Variants in IL1RAP observed in about 807,000 individuals in gnomAD.
IL1RAP encodes the protein interleukin-1 receptor accessory protein.
IL1RAP carries 35 observed loss-of-function variants against 60.7 expected under a neutral mutation model. That is an observed-to-expected ratio of 0.58 (90% CI 0.44 to 0.76). IL1RAP has a LOEUF of 0.76. Ranked by LOEUF, IL1RAP falls within the 30% of genes least tolerant of loss-of-function variation. The pLI is 0.00. For missense variants in IL1RAP, 572 were observed against 693.9 expected (o/e 0.82, Z 1.97); for synonymous variants, 268 against 250.9 (o/e 1.07, Z -0.64).
At chr3:190,579,263 T>C (rs2108674127) in intron 3 of IL1RAP, among the ~76,000 whole-genome samples, 1 of 152,334 alleles carries the variant, frequency 6.6e-6, no homozygotes, top group Non-Finnish European at 1.5e-5. Flanking sequence ...AATAAACATA[T>C]GTTGTATTGG....
At chr3:190,659,295 C>G (rs899952975) in exon 12 of IL1RAP, 1 of 152,070 alleles carries the variant, frequency 6.6e-6, no homozygotes, top group Non-Finnish European at 1.5e-5. Flanking sequence ...AATTTTGGTG[C>G]TCTCAAAACT....
chr3:190,582,914 A>G (rs902516743), intron 3 of IL1RAP, among the ~76,000 whole-genome samples: 1 of 152,118 alleles, frequency 6.6e-6, no homozygotes, highest in Non-Finnish European at 1.5e-5. Context: ...ATTCTTCAGG[A>G]ACTTCACATG....
At chr3:190,643,872 C>A (rs866981605) in intron 9 of IL1RAP, among the ~76,000 whole-genome samples, 5 of 152,280 alleles carry the variant, frequency 3.3e-5, no homozygotes, top group Middle Eastern at 3.4e-3. Flanking sequence ...ATGAGAACTC[C>A]ATCCCAAGAT....
At chr3:190,629,306 T>A (rs1305758012) in intron 8 of IL1RAP, 44 bp from the exon 9 acceptor site, 2 of 1,415,794 alleles carry the variant, frequency 1.4e-6, no homozygotes, top group East Asian at 4.6e-5. Context: ...CCATAGCTCT[T>A]GAGTCACTCT....
In IL1RAP at chr3:190,629,547, T is replaced by C. The variant is rs757378653; in HGVS notation, c.1051+49T>C. On this transcript the variant is annotated intron_variant, in intron 9 of 11. Transcript: ENST00000447382. ...ATCTCTCAGCTCCAAATTAACATTG[T>C]GGTGAATAAGGACAAAAGGAGAGAT... 23 of 1,565,378 alleles carry C rather than the reference T, an allele frequency of 1.5e-5. No individual in the cohort carries two copies. The East Asian group carries it at 5.2e-4, about 35-fold the overall frequency.
intron 2 of IL1RAP, chr3:190,563,647 G>A (rs1457081829): frequency 6.6e-6 from 1 of 152,212 alleles, no homozygotes; most frequent in Non-Finnish European, 1.5e-5. Flanking sequence ...GAGAAGAGGA[G>A]AGCACGAACA....
chr3:190,645,011 C>A (rs1733915707), intron 10 of IL1RAP, among the ~76,000 whole-genome samples: 1 of 152,130 alleles, frequency 6.6e-6, no homozygotes, highest in Non-Finnish European at 1.5e-5. Flanking sequence ...AGACCTAGCC[C>A]CTACTGACTC....
intron 5 of IL1RAP, 57 bp downstream of exon 5, chr3:190,609,238 T>C: frequency 8.3e-7 from 1 of 1,198,810 alleles, no homozygotes; most frequent in South Asian, 1.5e-5. Context: ...ATGATAATGC[T>C]TATTTGCTGA....
chr3:190,561,299 C>T (rs1335180215), intron 2 of IL1RAP, among the ~76,000 whole-genome samples: 2 of 152,198 alleles, frequency 1.3e-5, no homozygotes, highest in Admixed American at 6.5e-5. Flanking sequence ...GGTTTCAGAT[C>T]AGCCAGGCGC....
intron 3 of IL1RAP, among the ~76,000 whole-genome samples, chr3:190,580,341 A>G (rs1175290096): frequency 2.6e-5 from 4 of 152,196 alleles, no homozygotes; most frequent in Admixed American, 6.5e-5. Flanking sequence ...ACTCCAATGA[A>G]TATCTACCAA....
intron 9 of IL1RAP, 108 bp downstream of exon 9, chr3:190,629,606 G>T (rs1195093672): frequency 2.8e-6 from 4 of 1,441,908 alleles, no homozygotes; most frequent in South Asian, 3.2e-5. Flanking sequence ...CTAGCCCGAC[G>T]GCATCTAACC....
intron 1 of IL1RAP, among the ~76,000 whole-genome samples, chr3:190,554,987 C>T (rs1000142458): frequency 3.9e-5 from 6 of 152,166 alleles, no homozygotes; most frequent in Non-Finnish European, 5.9e-5. Flanking sequence ...TCTGTCCTTT[C>T]TAACAGCTTG....
intron 3 of IL1RAP, among the ~76,000 whole-genome samples, chr3:190,603,476 G>A (rs1387699942): frequency 6.6e-6 from 1 of 152,148 alleles, no homozygotes; most frequent in Non-Finnish European, 1.5e-5. Context: ...GTAGACATAT[G>A]TGGCTAGTCC....
intron 1 of IL1RAP, among the ~76,000 whole-genome samples, chr3:190,542,354 G>A (rs1436661871): frequency 6.6e-6 from 1 of 152,132 alleles, no homozygotes; most frequent in African/African-American, 2.4e-5. Flanking sequence ...GTGATAGCTT[G>A]AGTTAGACAC....
chr3:190,570,577 ATTTT>A (rs1553840268), intron 3 of IL1RAP, among the ~76,000 whole-genome samples: 1 of 113,716 alleles, frequency 8.8e-6, no homozygotes. Context: ...TTATTTATTT[ATTTT>A]TTGAGACGGA....
chr3:190,553,517 T>C (rs1725054616), intron 1 of IL1RAP, among the ~76,000 whole-genome samples: 1 of 152,054 alleles, frequency 6.6e-6, no homozygotes, highest in Admixed American at 6.5e-5. Flanking sequence ...ACTTAATTGC[T>C]CTCCAATGGG....
chr3:190,571,619 C>T (rs9822282), intron 3 of IL1RAP, among the ~76,000 whole-genome samples: 48,795 of 152,006 alleles, frequency 0.32, 8,137 homozygotes, highest in Middle Eastern at 0.38. Flanking sequence ...AATGACATTT[C>T]GAAGTATTTA....
intron 1 of IL1RAP, among the ~76,000 whole-genome samples, chr3:190,514,976 A>C (rs1045179479): frequency 3.9e-5 from 6 of 152,132 alleles, no homozygotes; most frequent in Admixed American, 6.5e-5. Context: ...AAAATCACAA[A>C]CATAAAAGCA....
At chr3:190,524,948 GTATA>G (rs1467457821) in intron 1 of IL1RAP, among the ~76,000 whole-genome samples, 3 of 151,966 alleles carry the variant, frequency 2.0e-5, no homozygotes, top group African/African-American at 7.3e-5. Flanking sequence ...GGAGTGTTGA[GTATA>G]TATTTAAATA....
Sources: allele counts gnomAD v4.1 joint callset (sites outside exome capture counted in the v4.1 genomes callset), GRCh38; gene constraint gnomAD v4.1.1; transcripts MANE v1.5; gene names NCBI Gene and HGNC (gene_info 2026-07-23, HGNC 2026-07-21).